The following AK5 variants were observed in gnomAD, a reference collection of about 807,000 sequenced individuals.
AK5 encodes the protein adenylate kinase 5, also known as adenylate kinase isoenzyme 5.
AK5 carries 27 observed loss-of-function variants against 69.5 expected under a neutral mutation model. The observed-to-expected ratio is 0.39, with a 90% CI of 0.29 to 0.54. The LOEUF (loss-of-function observed/expected upper bound fraction) is 0.54, where lower values mean the gene tolerates loss of function less well. AK5 is among the 20% of genes least tolerant of loss of function. The pLI, the probability that AK5 is intolerant of heterozygous loss-of-function variation, is 0.71. For missense variants in AK5, 531 were observed against 700.4 expected, an observed-to-expected ratio of 0.76 and a Z score of 2.73; for synonymous variants, 260 against 244.4, an observed-to-expected ratio of 1.06 and a Z score of -0.60.
intron 10 of AK5, among the ~76,000 whole-genome samples, chr1:77,497,055 C>T (rs949210733): frequency 4.6e-5 from 7 of 152,222 alleles, no homozygotes; most frequent in Non-Finnish European, 1.0e-4. Flanking sequence ...TCGCTTTTCA[C>T]AATAAATCTT....
At chr1:77,482,764 A>G (rs560068630) in intron 8 of AK5, among the ~76,000 whole-genome samples, 210 of 108,062 alleles carry the variant, frequency 1.9e-3, no homozygotes, top group African/African-American at 6.3e-3. Context: ...GGGCGAGACT[A>G]TGTCTCAAAA....
At chr1:77,412,999 A>G (rs1274018264) in intron 7 of AK5, among the ~76,000 whole-genome samples, 4 of 151,924 alleles carry the variant, frequency 2.6e-5, no homozygotes, top group Non-Finnish European at 5.9e-5. Context: ...TCCTGCTGCC[A>G]TGGAGATCTT....
At chr1:77,355,749 T>C (rs1427023161) in intron 6 of AK5, among the ~76,000 whole-genome samples, 1 of 152,154 alleles carries the variant, frequency 6.6e-6, no homozygotes, top group Non-Finnish European at 1.5e-5. Context: ...AATTCTGCTG[T>C]CATCATCAAT....
At chr1:77,437,808 T>C (rs982446459) in intron 8 of AK5, among the ~76,000 whole-genome samples, 1 of 152,150 alleles carries the variant, frequency 6.6e-6, no homozygotes, top group African/African-American at 2.4e-5. Context: ...CCCTCAGCTT[T>C]TCCTGGCTCA....
At position 77,444,246 on chromosome 1, in the gene AK5, C is replaced by CAT. The variant is rs1487215065; in HGVS notation, c.1059+26532_1059+26533insTA. Among the ~76,000 whole-genome samples the CAT allele has an allele frequency of 1.1e-4, 3 of 26,102 alleles. No homozygotes were observed. In the Admixed American group the frequency reaches 1.8e-3, roughly 16 times the overall value. The allele number at this position is 26,102 out of a possible 152,430, so 17.1% of individuals were successfully genotyped here. Reference sequence around the variant, plus strand: ...TGTATATATATATAGTATATATATACACAACATATGTGTATATATATAGTA... The same window carrying CAT: ...TGTATATATATATAGTATATATATACATACAACATATGTGTATATATATAGTA... On this transcript the variant is annotated intron_variant, in intron 8 of 13. Coordinates refer to ENST00000354567, the MANE Select transcript of AK5 (RefSeq NM_174858.3).
chr1:77,284,291 TA>T (rs1658225925), intron 1 of AK5, among the ~76,000 whole-genome samples: 1 of 152,200 alleles, frequency 6.6e-6, no homozygotes. Context: ...ACTGTAAAAC[TA>T]AAAACTTTAG....
chr1:77,404,026 T>G (rs1377306399), intron 6 of AK5, among the ~76,000 whole-genome samples: 1 of 152,180 alleles, frequency 6.6e-6, no homozygotes, highest in South Asian at 2.1e-4. Context: ...CCCTCGTAAG[T>G]TGGATTCCTA....
At chr1:77,293,648 C>T in intron 2 of AK5, 145 bp from the exon 3 acceptor site, 1 of 659,690 alleles carries the variant, frequency 1.5e-6, no homozygotes, top group South Asian at 2.4e-5. Context: ...ACAATAAAGC[C>T]TGCTGACCAC....
intron 10 of AK5, among the ~76,000 whole-genome samples, chr1:77,508,586 G>A (rs1657150807): frequency 1.3e-5 from 2 of 152,188 alleles, no homozygotes; most frequent in African/African-American, 4.8e-5. Flanking sequence ...TTTGGGGCAG[G>A]CTGGGCACGG....
intron 6 of AK5, among the ~76,000 whole-genome samples, chr1:77,358,930 CA>C (rs1047395616): frequency 7.0e-4 from 99 of 141,750 alleles, no homozygotes; most frequent in Middle Eastern, 3.7e-3. Flanking sequence ...TGAACTAAAA[CA>C]AAAAAAAAAG....
intron 8 of AK5, among the ~76,000 whole-genome samples, chr1:77,429,758 G>T (rs2803146): frequency 6.6e-5 from 10 of 152,068 alleles, no homozygotes; most frequent in South Asian, 2.1e-4. Flanking sequence ...TGCACCTGGC[G>T]GGCAAGAGAT....
rs191402729 is a variant in AK5, at chr1:77,554,629, G to A, written c.1621-3973G>A. 4.1e-3 allele frequency among the ~76,000 whole-genome samples: 614 copies of A among 151,454 alleles called. 6 individuals are homozygous for A. The highest frequency in any genetic ancestry group is 0.014 in the African/African-American group (573 of 40,972). On this transcript the variant is annotated intron_variant, in intron 13 of 13. Coordinates refer to ENST00000354567, the MANE Select transcript of AK5 (RefSeq NM_174858.3). ...TTTTGTTTTTGTTTTTGTTTGAGAC[G>A]GAGTCTCACTCTGTTGCCCAGGCTG...
intron 6 of AK5, among the ~76,000 whole-genome samples, chr1:77,401,254 C>T (rs897956847): frequency 6.6e-6 from 1 of 152,176 alleles, no homozygotes; most frequent in Non-Finnish European, 1.5e-5. Flanking sequence ...AACAAAGTCA[C>T]TGCAAAGAGA....
chr1:77,383,130 TAA>T (rs1647765399), intron 6 of AK5, among the ~76,000 whole-genome samples: 1 of 152,216 alleles, frequency 6.6e-6, no homozygotes, highest in South Asian at 2.1e-4. Context: ...TAGATTGCTT[TAA>T]AAGACATTTG....
At chr1:77,515,709 CAT>C (rs1297305062) in intron 10 of AK5, among the ~76,000 whole-genome samples, 3 of 152,088 alleles carry the variant, frequency 2.0e-5, no homozygotes, top group Non-Finnish European at 2.9e-5. Flanking sequence ...AAGGGGGAAA[CAT>C]GTGATCTGGA....
chr1:77,529,556 C>G (rs1658468571), intron 12 of AK5, among the ~76,000 whole-genome samples: 2 of 152,104 alleles, frequency 1.3e-5, no homozygotes, highest in Admixed American at 1.3e-4. Context: ...AACTCCTGAC[C>G]TCGTGATCTG....
chr1:77,441,029 G>C (rs1291392045), intron 8 of AK5, among the ~76,000 whole-genome samples: 1 of 152,144 alleles, frequency 6.6e-6, no homozygotes, highest in South Asian at 2.1e-4. Flanking sequence ...GATTACAGGC[G>C]TGAGCCACCG....
chr1:77,461,724 C>T (rs1055785759), intron 8 of AK5, among the ~76,000 whole-genome samples: 5 of 150,538 alleles, frequency 3.3e-5, no homozygotes, highest in Non-Finnish European at 4.4e-5. Context: ...GAGCAGAGAT[C>T]GCGCCATTCC....
At chr1:77,443,020 C>T (rs1239634480) in intron 8 of AK5, among the ~76,000 whole-genome samples, 1 of 152,128 alleles carries the variant, frequency 6.6e-6, no homozygotes, top group African/African-American at 2.4e-5. Flanking sequence ...ACACAACTGA[C>T]TCCATTTTGA....
Sources: gnomAD v4.1 joint callset for allele counts (sites outside exome capture counted in the v4.1 genomes callset) on GRCh38, gnomAD v4.1.1 for gene constraint, MANE v1.5 for transcripts, NCBI Gene and HGNC (gene_info 2026-07-23, HGNC 2026-07-21) for gene names.